The following MORN1 variants were observed in gnomAD, a reference collection of about 807,000 sequenced individuals.
MORN1 encodes the protein MORN repeat-containing protein 1.
In MORN1, 67 loss-of-function variants were observed where a neutral mutation model predicts 61.9. The observed-to-expected ratio is 1.08, with a 90% CI of 0.89 to 1.33. MORN1 has a LOEUF of 1.33. Ranked by LOEUF, MORN1 falls within the 40% of genes most tolerant of loss-of-function variation. The pLI, the probability that MORN1 is intolerant of heterozygous loss-of-function variation, is 0.00. For missense variants in MORN1, 752 were observed against 691.2 expected (o/e 1.09, Z -0.99); for synonymous variants, 301 against 292.0 (o/e 1.03, Z -0.31).
At chr1:2,373,602 G>A (rs967099208) in intron 7 of MORN1, among the ~76,000 whole-genome samples, 4 of 152,282 alleles carry the variant, frequency 2.6e-5, no homozygotes, top group Admixed American at 2.0e-4. Flanking sequence ...GACTCCACCT[G>A]AGGGAGAAGC....
rs1641999124 is a variant in MORN1 at position 2,366,522 on chromosome 1, T to G, written c.745+5959A>C. ...AATAAAAGCAGAAATAGGCAAATCTTTTGTTTGTTTGCTTGTTTTGAGACA... is the reference window on the plus strand; with the variant it reads ...AATAAAAGCAGAAATAGGCAAATCTGTTGTTTGTTTGCTTGTTTTGAGACA... On this transcript the variant is annotated intron_variant, in intron 8 of 13. Coordinates refer to ENST00000378531, the MANE Select transcript of MORN1 (RefSeq NM_024848.3). 2.6e-5 allele frequency among the ~76,000 whole-genome samples: 4 copies of G among 151,978 alleles called. No homozygotes were observed. In the South Asian group the frequency reaches 8.3e-4, roughly 32 times the overall value.
At chr1:2,365,462 G>A (rs2100322723) in intron 8 of MORN1, among the ~76,000 whole-genome samples, 2 of 144,324 alleles carry the variant, frequency 1.4e-5, no homozygotes, top group Admixed American at 7.1e-5. Flanking sequence ...TTTGGGCTGA[G>A]ACAATGGGGT....
chr1:2,346,548 G>A (rs927322968), intron 10 of MORN1, among the ~76,000 whole-genome samples: 3 of 152,034 alleles, frequency 2.0e-5, no homozygotes, highest in Non-Finnish European at 4.4e-5. Flanking sequence ...ACCACACCTG[G>A]CTAATTTTTG....
At position 2,389,970 on chromosome 1, in the gene MORN1, A is replaced by T. The variant is rs746140323; in HGVS notation, c.103T>A (p.Ser35Thr). The change falls in exon 2 of 14, where the codon TCC (serine) becomes ACC (threonine). Residue 35 changes from serine to threonine, a missense_variant. Transcript: ENST00000378531. Reference sequence around the variant, plus strand: ...CATTCTCCTTCATATCGAAAGAAGGAATTTGGGTATACGTAGACACCATAA... The same window carrying T: ...CATTCTCCTTCATATCGAAAGAAGGTATTTGGGTATACGTAGACACCATAA... Reference protein sequence around the residue: ...NGYGVYVYPNSFFRYEGEWKA... With the variant: ...NGYGVYVYPNTFFRYEGEWKA... 6 of 1,613,962 alleles carry T rather than the reference A, an allele frequency of 3.7e-6. No individual in the cohort carries two copies. The Admixed American group carries it at 1.0e-4, about 27-fold the overall frequency.
intron 12 of MORN1, among the ~76,000 whole-genome samples, chr1:2,324,529 T>C (rs1569901637): frequency 6.6e-6 from 1 of 152,264 alleles, no homozygotes; most frequent in Non-Finnish European, 1.5e-5. Flanking sequence ...ACGGCGAGGC[T>C]GGAGCCTGCA....
chr1:2,361,455 G>A (rs184440903), intron 8 of MORN1, among the ~76,000 whole-genome samples: 1 of 152,256 alleles, frequency 6.6e-6, no homozygotes, highest in Non-Finnish European at 1.5e-5. Context: ...CTACTTGGGA[G>A]GCTGAGGCAG....
chr1:2,378,900 G>A (rs916126176), intron 6 of MORN1: 135 of 455,686 alleles, frequency 3.0e-4, no homozygotes, highest in African/African-American at 2.4e-3. Context: ...GGACCGGCCT[G>A]AGCCGCGTGG....
intron 6 of MORN1, chr1:2,374,793 A>C (rs1159233939): frequency 2.0e-6 from 1 of 504,046 alleles, no homozygotes; most frequent in Non-Finnish European, 3.6e-6. Context: ...TAACGATGCC[A>C]GGAGGTATGG....
At position 2,321,335 on chromosome 1, in the gene MORN1, G is replaced by C; in HGVS notation, c.*48C>G. ...GAGCAGAGTCACGCAAGCAGAGGCA[G>C]CGTTTCCTTCCATTCACACCGAGGT... On this transcript the variant is annotated 3_prime_UTR_variant, in exon 14 of 14. Coordinates refer to ENST00000378531, the MANE Select transcript of MORN1 (RefSeq NM_024848.3). 1.5e-6 allele frequency: 2 copies of C among 1,311,436 alleles called. No individual in the cohort carries two copies. Among genetic ancestry groups the C allele is most frequent in the Non-Finnish European group, 2.0e-6 (2 of 978,638 alleles). The allele number at this position is 1,311,436 out of a possible 1,614,324, so 81.2% of individuals were successfully genotyped here. A position where few individuals can be genotyped will look rare whatever the true frequency, so the allele number is the denominator to read the frequency against.
At chr1:2,333,762 CCT>C (rs2100246574) in intron 12 of MORN1, among the ~76,000 whole-genome samples, 1 of 152,358 alleles carries the variant, frequency 6.6e-6, no homozygotes, top group African/African-American at 2.4e-5. Context: ...GACAGTGAGC[CCT>C]CTCCTGTGCC....
intron 6 of MORN1, among the ~76,000 whole-genome samples, chr1:2,380,235 G>A (rs575062439): frequency 2.0e-5 from 3 of 152,224 alleles, no homozygotes; most frequent in Admixed American, 6.5e-5. Context: ...TGGGGAGTTC[G>A]TGCTGGATGG....
In MORN1 at chr1:2,336,447, A is replaced by G. The variant is rs115943225; in HGVS notation, c.1250+22T>C. ...CACAGCTGACCCTCCGAACACCTGC[A>G]GGTGGGGTGGGCTCATCCTACCTGC... is the stretch of plus-strand genomic sequence containing the variant. On this transcript the variant is annotated intron_variant, in intron 12 of 13. Transcript: ENST00000378531. The G allele has an allele frequency of 6.8e-3, 10,958 of 1,607,250 alleles. 57 individuals carry two copies. The highest frequency in any genetic ancestry group is 0.011 in the Middle Eastern group (56 of 5,190).
chr1:2,380,786 G>C (rs1467148543), intron 6 of MORN1, among the ~76,000 whole-genome samples: 2 of 152,142 alleles, frequency 1.3e-5, no homozygotes, highest in Non-Finnish European at 2.9e-5. Context: ...GAACTCCTGG[G>C]CTCAAGCAGT....
rs775845421 is a variant in MORN1, at chr1:2,372,488, A to G, written c.738T>C (p.Ile246=). ...NVQLLQDHGE[I]AKSESGRVLQ... ...CCCCCTGGAGATGCTTACTCTTGGC[A>G]ATTTCCCCGTGGTCCTGCAGCAGCT... The change falls in exon 8 of 14, where the codon ATT becomes ATC. Residue 246 remains isoleucine, a synonymous_variant. Transcript: ENST00000378531. This position sits in a 1 kb window ranked among gnomAD's most constrained non-coding sequence, Gnocchi z 5.4. 9 of 1,612,544 alleles carry G rather than the reference A, an allele frequency of 5.6e-6. No individual in the cohort carries two copies. In the Admixed American group the frequency reaches 1.3e-4, roughly 24 times the overall value.
chr1:2,338,063 C>T (rs921606392), intron 10 of MORN1, among the ~76,000 whole-genome samples: 62 of 152,152 alleles, frequency 4.1e-4, no homozygotes, highest in Non-Finnish European at 5.3e-4. Flanking sequence ...CATGGGGCCC[C>T]GGGGCAGCCC....
At chr1:2,376,052 C>T (rs983197312) in intron 6 of MORN1, 1 of 152,350 alleles carries the variant, frequency 6.6e-6, no homozygotes, top group Non-Finnish European at 1.5e-5. Flanking sequence ...CTACCAAGGA[C>T]TGGCGCAGAG....
At chr1:2,391,419 G>C in intron 1 of MORN1, 39 bp downstream of exon 1, 1 of 1,254,784 alleles carries the variant, frequency 8.0e-7, no homozygotes, top group Non-Finnish European at 1.0e-6. Context: ...ATGGAGCCCA[G>C]GGCAGCCAGC....
Position 2,372,316 on chromosome 1 carries a change from G to A in MORN1, c.745+165C>T. Reference sequence around the variant, plus strand: ...ACACCCAAGGCTGCCCTGACTGGCAGGGAAGCTGGCACACCTGCGACCTCT... The same window carrying A: ...ACACCCAAGGCTGCCCTGACTGGCAAGGAAGCTGGCACACCTGCGACCTCT... On this transcript the variant is annotated intron_variant, in intron 8 of 13. Coordinates refer to ENST00000378531, the MANE Select transcript of MORN1 (RefSeq NM_024848.3). This position sits in a 1 kb window ranked among gnomAD's most constrained non-coding sequence, Gnocchi z 5.4. 1.7e-6 allele frequency: 1 copy of A among 597,494 alleles called. No homozygotes were observed. Among genetic ancestry groups the A allele is most frequent in the South Asian group, 1.9e-5 (1 of 51,806 alleles). 37.0% of individuals were successfully genotyped at this position (597,494 alleles called of 1,614,324 possible). A position where few individuals can be genotyped will look rare whatever the true frequency, so the allele number is the denominator to read the frequency against.
At chr1:2,323,972 C>T (rs1640940313) in intron 13 of MORN1, 125 bp downstream of exon 13, 1 of 1,457,352 alleles carries the variant, frequency 6.9e-7, no homozygotes, top group Non-Finnish European at 9.0e-7. Flanking sequence ...GTCCCCCACC[C>T]ACTGCCACCT....
Sources: allele counts gnomAD v4.1 joint callset (sites outside exome capture counted in the v4.1 genomes callset), GRCh38; gene constraint gnomAD v4.1.1; non-coding constraint Gnocchi (gnomAD v3.1); transcripts MANE v1.5; gene names NCBI Gene and HGNC (gene_info 2026-07-23, HGNC 2026-07-21).